IFT74: variants seen among roughly 807,000 people sequenced by gnomAD.
IFT74 encodes intraflagellar transport 74.
A neutral mutation model predicts 96.7 loss-of-function variants in IFT74; 92 were observed. The ratio of observed to expected loss-of-function variants is 0.95; its 90% CI spans 0.80 to 1.13. The LOEUF (loss-of-function observed/expected upper bound fraction) is 1.13. Ranked by LOEUF, IFT74 falls within the 50% of genes most tolerant of loss-of-function variation. IFT74 has a pLI of 0.00. For missense variants in IFT74, 811 were observed against 698.2 expected (o/e 1.16, Z -1.82); for synonymous variants, 223 against 213.2 (o/e 1.05, Z -0.40).
In IFT74 at chr9:27,064,928, C is replaced by A. The variant is rs974701831; in HGVS notation, c.*2192C>A. Among the ~76,000 whole-genome samples the A allele has an allele frequency of 6.6e-6, 1 of 151,948 alleles. No homozygotes were observed. Among genetic ancestry groups the A allele is most frequent in the South Asian group, 2.1e-4 (1 of 4,826 alleles). The stretch of plus-strand genomic sequence containing the variant: ...AATTGTCTGTGATGTACATTTAATA[C>A]TTAGAAATGCAATAAAATTCAAATA... On this transcript the variant is annotated 3_prime_UTR_variant, in exon 20 of 20. Transcript: ENST00000380062.
At chr9:27,058,618 C>T (rs1444011525) in intron 18 of IFT74, among the ~76,000 whole-genome samples, 1 of 152,148 alleles carries the variant, frequency 6.6e-6, no homozygotes, top group Non-Finnish European at 1.5e-5. Flanking sequence ...GAACTCCTGA[C>T]CTTAGGTCAT....
intron 2 of IFT74, among the ~76,000 whole-genome samples, chr9:26,962,948 C>CT (rs1288335105): frequency 1.4e-5 from 2 of 137,974 alleles, no homozygotes; most frequent in African/African-American, 5.3e-5. Context: ...TTCTTTTTTT[C>CT]TTTTTTTTAT....
At chr9:26,971,127 C>T (rs897337589) in intron 2 of IFT74, among the ~76,000 whole-genome samples, 17 of 152,066 alleles carry the variant, frequency 1.1e-4, no homozygotes, top group South Asian at 2.1e-4. Flanking sequence ...CTAGCAGTTG[C>T]GCTTGAGAAG....
At chr9:27,002,744 T>C (rs182151045) in intron 8 of IFT74, among the ~76,000 whole-genome samples, 1 of 152,328 alleles carries the variant, frequency 6.6e-6, no homozygotes, top group South Asian at 2.1e-4. Context: ...CTTTGTTCCT[T>C]TTTGCTGAGG....
chr9:26,962,668 T>C (rs1826417744), intron 2 of IFT74, among the ~76,000 whole-genome samples: 2 of 152,234 alleles, frequency 1.3e-5, no homozygotes, highest in South Asian at 4.1e-4. Flanking sequence ...GCTTAGAAAC[T>C]TGGTATTTCA....
intron 13 of IFT74, among the ~76,000 whole-genome samples, chr9:27,041,996 C>T (rs1819500224): frequency 6.6e-6 from 1 of 152,102 alleles, no homozygotes; most frequent in South Asian, 2.1e-4. Flanking sequence ...CTGTTGGCAA[C>T]TAGGAGGATG....
intron 1 of IFT74, among the ~76,000 whole-genome samples, chr9:26,950,406 C>G (rs1026052323): frequency 6.6e-6 from 1 of 151,988 alleles, no homozygotes; most frequent in Non-Finnish European, 1.5e-5. Context: ...CAAGCCTCTA[C>G]CATAATTCTA....
At chr9:26,973,254 A>G (rs1053020326) in intron 2 of IFT74, among the ~76,000 whole-genome samples, 2 of 152,222 alleles carry the variant, frequency 1.3e-5, no homozygotes, top group Non-Finnish European at 2.9e-5. Context: ...TCTGGTTAAT[A>G]GCTCTGAAGT....
chr9:26,989,347 A>G (rs1323493545), intron 7 of IFT74, among the ~76,000 whole-genome samples: 1 of 152,152 alleles, frequency 6.6e-6, no homozygotes, highest in Non-Finnish European at 1.5e-5. Context: ...CTGCACATGT[A>G]CCTCTGATTC....
chr9:27,053,514 T>A (rs1317516435), intron 16 of IFT74, among the ~76,000 whole-genome samples: 1 of 152,106 alleles, frequency 6.6e-6, no homozygotes, highest in Non-Finnish European at 1.5e-5. Flanking sequence ...CTTCCCCGGG[T>A]CAAAGTGGTT....
chr9:27,059,314 A>G (rs562845622), intron 18 of IFT74, among the ~76,000 whole-genome samples: 1 of 152,346 alleles, frequency 6.6e-6, no homozygotes, highest in South Asian at 2.1e-4. Flanking sequence ...TATGTAACAG[A>G]TTATTTAAAC....
chr9:27,006,998 A>G (rs894507678), intron 8 of IFT74, among the ~76,000 whole-genome samples: 14 of 151,618 alleles, frequency 9.2e-5, no homozygotes, highest in East Asian at 3.9e-4. Flanking sequence ...CATCACGCCC[A>G]GCTAATTTTT....
At chr9:27,040,642 A>C (rs1819438697) in intron 13 of IFT74, among the ~76,000 whole-genome samples, 1 of 151,646 alleles carries the variant, frequency 6.6e-6, no homozygotes, top group Non-Finnish European at 1.5e-5. Context: ...GCTGTGCAAA[A>C]GTCCTGTGGA....
chr9:26,948,893 A>G (rs1052215005), intron 1 of IFT74, among the ~76,000 whole-genome samples: 14 of 152,096 alleles, frequency 9.2e-5, no homozygotes, highest in African/African-American at 3.4e-4. Flanking sequence ...AATTCCCTGA[A>G]CACATTATGC....
At chr9:26,967,964 GTGT>G (rs1472458381) in intron 2 of IFT74, among the ~76,000 whole-genome samples, 1 of 151,804 alleles carries the variant, frequency 6.6e-6, no homozygotes, top group Non-Finnish European at 1.5e-5. Flanking sequence ...TCTTTTTAAT[GTGT>G]TGTTTAATTC....
chr9:27,038,724 A>G (rs1469277003), intron 13 of IFT74, among the ~76,000 whole-genome samples: 3 of 152,204 alleles, frequency 2.0e-5, no homozygotes, highest in Non-Finnish European at 4.4e-5. Context: ...TCTACAGGAG[A>G]TGATGACAGT....
At chr9:27,004,132 G>GA (rs1429542569) in intron 8 of IFT74, among the ~76,000 whole-genome samples, 1 of 152,174 alleles carries the variant, frequency 6.6e-6, no homozygotes, top group African/African-American at 2.4e-5. Flanking sequence ...AGAAGCAGGT[G>GA]AAAAAAGTAA....
intron 2 of IFT74, among the ~76,000 whole-genome samples, chr9:26,962,427 A>G (rs1202474416): frequency 2.0e-5 from 3 of 152,230 alleles, no homozygotes; most frequent in Non-Finnish European, 2.9e-5. Flanking sequence ...CAGATACTCA[A>G]TTTAAAGCTG....
chr9:26,952,338 G>A (rs989821587), upstream of IFT74, among the ~76,000 whole-genome samples: 18 of 149,914 alleles, frequency 1.2e-4, 1 homozygote, highest in Non-Finnish European at 2.1e-4. Flanking sequence ...GTGCAATGGC[G>A]CGATCTTGGC....
Sources: gnomAD v4.1 joint callset for allele counts (sites outside exome capture counted in the v4.1 genomes callset) on GRCh38, gnomAD v4.1.1 for gene constraint, MANE v1.5 for transcripts, NCBI Gene and HGNC (gene_info 2026-07-23, HGNC 2026-07-21) for gene names.